Variants in NXPH1 observed in about 807,000 individuals in gnomAD.
NXPH1 encodes neurexophilin-1.
NXPH1 carries 5 observed loss-of-function variants against 23.7 expected under a neutral mutation model. The ratio of observed to expected loss-of-function variants is 0.21; its 90% CI spans 0.11 to 0.44. The LOEUF (loss-of-function observed/expected upper bound fraction) is 0.44, where lower values mean the gene tolerates loss of function less well. Among genes scored for constraint, NXPH1 ranks in the 20% least tolerant of loss-of-function variants. NXPH1 has a pLI of 0.99. For missense variants in NXPH1, 324 were observed against 321.6 expected (o/e 1.01, Z -0.06); for synonymous variants, 144 against 122.2 (o/e 1.18, Z -1.18).
At chr7:8,518,215 C>T (rs1439514000) in intron 2 of NXPH1, among the ~76,000 whole-genome samples, 1 of 152,102 alleles carries the variant, frequency 6.6e-6, no homozygotes, top group Non-Finnish European at 1.5e-5. Context: ...TTATTTTCTT[C>T]CATATTAAGA....
intron 2 of NXPH1, among the ~76,000 whole-genome samples, chr7:8,743,693 T>TC (rs905646979): frequency 6.6e-6 from 1 of 151,256 alleles, no homozygotes; most frequent in African/African-American, 2.4e-5. Flanking sequence ...TCTTTTCTTT[T>TC]TTTTTTTTGA....
intron 2 of NXPH1, among the ~76,000 whole-genome samples, chr7:8,542,436 C>G (rs78026531): frequency 6.6e-6 from 1 of 151,466 alleles, no homozygotes; most frequent in African/African-American, 2.4e-5. Flanking sequence ...AAATCGTAAA[C>G]TATATGGAAT....
chr7:8,591,905 G>A (rs1562415731), intron 2 of NXPH1, among the ~76,000 whole-genome samples: 2 of 146,504 alleles, frequency 1.4e-5, no homozygotes, highest in Admixed American at 1.4e-4. Context: ...AGGACAAGTT[G>A]TCTGTTGTCC....
intron 2 of NXPH1, among the ~76,000 whole-genome samples, chr7:8,480,094 G>A (rs1817047745): frequency 6.6e-6 from 1 of 152,082 alleles, no homozygotes; most frequent in South Asian, 2.1e-4. Context: ...GGAGGGAGAT[G>A]TTTGAGATTT....
At chr7:8,639,072 T>C (rs1018768494) in intron 2 of NXPH1, among the ~76,000 whole-genome samples, 1 of 152,188 alleles carries the variant, frequency 6.6e-6, no homozygotes, top group African/African-American at 2.4e-5. Context: ...AAGCAGTCGA[T>C]TACTGGTAGC....
chr7:8,630,505 C>T (rs1252190247), intron 2 of NXPH1, among the ~76,000 whole-genome samples: 2 of 152,110 alleles, frequency 1.3e-5, no homozygotes, highest in South Asian at 2.1e-4. Flanking sequence ...GTAATGCAAA[C>T]AGAACTAAAG....
chr7:8,615,564 T>C (rs1819716466), intron 2 of NXPH1, among the ~76,000 whole-genome samples: 1 of 152,080 alleles, frequency 6.6e-6, no homozygotes. Flanking sequence ...TGTCCCATAT[T>C]ATTGCCTCAT....
intron 2 of NXPH1, among the ~76,000 whole-genome samples, chr7:8,532,724 A>T (rs1412901162): frequency 6.6e-6 from 1 of 152,088 alleles, no homozygotes; most frequent in Non-Finnish European, 1.5e-5. Flanking sequence ...CCGTAGCGTC[A>T]TTTGCGCCCT....
intron 2 of NXPH1, among the ~76,000 whole-genome samples, chr7:8,519,010 G>T (rs557191251): frequency 3.9e-5 from 6 of 152,142 alleles, no homozygotes; most frequent in African/African-American, 1.4e-4. Flanking sequence ...TTTATGTAAA[G>T]CATGTAGCAG....
chr7:8,490,404 C>A (rs991554371), intron 2 of NXPH1, among the ~76,000 whole-genome samples: 3 of 147,442 alleles, frequency 2.0e-5, no homozygotes, highest in Non-Finnish European at 4.4e-5. Flanking sequence ...TACACATACA[C>A]AGGCTGTTTT....
At chr7:8,554,357 C>A (rs1180398051) in intron 2 of NXPH1, among the ~76,000 whole-genome samples, 1 of 151,476 alleles carries the variant, frequency 6.6e-6, no homozygotes, top group African/African-American at 2.4e-5. Context: ...GCAATACCGA[C>A]CATATGGTGG....
intron 2 of NXPH1, among the ~76,000 whole-genome samples, chr7:8,550,401 C>G (rs1038912423): frequency 4.0e-5 from 6 of 151,546 alleles, no homozygotes; most frequent in African/African-American, 1.5e-4. Context: ...CCAAAAGGAT[C>G]TTACTATTCA....
intron 2 of NXPH1, among the ~76,000 whole-genome samples, chr7:8,456,637 T>A (rs948207973): frequency 5.3e-5 from 8 of 152,198 alleles, no homozygotes; most frequent in African/African-American, 1.9e-4. Context: ...ACTTTTTTTT[T>A]GTCTATTTGA....
At chr7:8,475,645 T>C (rs1816957153) in intron 2 of NXPH1, among the ~76,000 whole-genome samples, 1 of 152,172 alleles carries the variant, frequency 6.6e-6, no homozygotes, top group Non-Finnish European at 1.5e-5. Context: ...GTTCAAAGGT[T>C]TTCTTCTTTG....
chr7:8,693,836 T>A (rs1188398529), intron 2 of NXPH1, among the ~76,000 whole-genome samples: 1 of 152,128 alleles, frequency 6.6e-6, no homozygotes, highest in African/African-American at 2.4e-5. Context: ...CTCTGCATAA[T>A]TTTTTTCCTC....
chr7:8,530,823 ACT>A (rs1046935974), intron 2 of NXPH1, among the ~76,000 whole-genome samples: 7 of 151,940 alleles, frequency 4.6e-5, no homozygotes, highest in African/African-American at 1.7e-4. Flanking sequence ...GGCTGATTGA[ACT>A]CTGTTGGCAA....
chr7:8,500,901 T>A (rs1817420196), intron 2 of NXPH1, among the ~76,000 whole-genome samples: 1 of 152,056 alleles, frequency 6.6e-6, no homozygotes, highest in Non-Finnish European at 1.5e-5. Context: ...TAGCTTGTGG[T>A]TGCAGCCTGA....
chr7:8,539,063 A>G (rs1465350995), intron 2 of NXPH1, among the ~76,000 whole-genome samples: 1 of 151,894 alleles, frequency 6.6e-6, no homozygotes, highest in East Asian at 1.9e-4. Context: ...TTGGCTCAAC[A>G]GCGAACAATA....
At chr7:8,497,361 C>T (rs1817355149) in intron 2 of NXPH1, among the ~76,000 whole-genome samples, 1 of 152,090 alleles carries the variant, frequency 6.6e-6, no homozygotes, top group Non-Finnish European at 1.5e-5. Context: ...ATTTATAATC[C>T]TTTGGGTATA....
Sources: allele counts gnomAD v4.1 joint callset (sites outside exome capture counted in the v4.1 genomes callset), GRCh38; gene constraint gnomAD v4.1.1; transcripts MANE v1.5; gene names NCBI Gene and HGNC (gene_info 2026-07-23, HGNC 2026-07-21).